The following APMAP variants were observed in gnomAD, a reference collection of about 807,000 sequenced individuals.
The protein encoded by APMAP is adipocyte plasma membrane-associated protein.
APMAP carries 33 observed loss-of-function variants against 43.6 expected under a neutral mutation model. The ratio of observed to expected loss-of-function variants is 0.76; its 90% CI spans 0.57 to 1.01. APMAP has a LOEUF of 1.01. Among genes scored for constraint, APMAP ranks in the 50% least tolerant of loss-of-function variants. The probability of loss-of-function intolerance (pLI) is 0.00; values close to 1 mark genes in which losing one functional copy is unlikely to be tolerated. For synonymous variants in APMAP, 224 were observed against 216.7 expected (o/e 1.03, Z -0.30); for missense variants, 498 against 540.7 (o/e 0.92, Z 0.78).
intron 2 of APMAP, 76 bp downstream of exon 2, chr20:24,983,827 C>A: frequency 9.6e-7 from 1 of 1,041,196 alleles, no homozygotes. Context: ...TTTAATCACC[C>A]TCCTTTCCTT....
chr20:24,964,759 G>A (rs184367113), intron 8 of APMAP, among the ~76,000 whole-genome samples: 1 of 152,132 alleles, frequency 6.6e-6, no homozygotes, highest in Non-Finnish European at 1.5e-5. Context: ...CCAAGGAATG[G>A]AAATTAACAG....
chr20:24,983,380 T>C (rs1295550866), intron 2 of APMAP, among the ~76,000 whole-genome samples: 1 of 152,352 alleles, frequency 6.6e-6, no homozygotes. Flanking sequence ...GTCACACTGA[T>C]GAGAGCCTGG....
intron 8 of APMAP, among the ~76,000 whole-genome samples, chr20:24,968,507 G>C (rs566213938): frequency 9.2e-5 from 14 of 152,310 alleles, no homozygotes; most frequent in Middle Eastern, 3.4e-3. Context: ...AGGCAGAGAG[G>C]GGGGTGGAGA....
chr20:24,969,383 G>A lies in APMAP; in HGVS notation c.848+143C>T, dbSNP rs929561115. ...CGACTCGCAATGGGAGAAAGAAAGCGCACCCTTGAATTTTCTTTAACATGC... is the reference window on the plus strand; with the variant it reads ...CGACTCGCAATGGGAGAAAGAAAGCACACCCTTGAATTTTCTTTAACATGC... On this transcript the variant is annotated intron_variant, in intron 7 of 8. Coordinates refer to ENST00000217456, the MANE Select transcript of APMAP (RefSeq NM_020531.3). The A allele has an allele frequency of 3.2e-5, 42 of 1,330,314 alleles. No homozygotes were observed. The South Asian group carries it at 3.3e-4, about 10-fold the overall frequency. The allele number at this position is 1,330,314 out of a possible 1,614,324, so 82.4% of individuals were successfully genotyped here. A position where few individuals can be genotyped will look rare whatever the true frequency, so the allele number is the denominator to read the frequency against.
At chr20:24,978,705 A>T in intron 3 of APMAP, 62 bp downstream of exon 3, 1 of 944,278 alleles carries the variant, frequency 1.1e-6, no homozygotes, top group African/African-American at 1.7e-5. Context: ...CTCCCACAGA[A>T]CCCGCCCCCT....
chr20:24,964,646 T>C (rs1386819224), intron 8 of APMAP, among the ~76,000 whole-genome samples: 3 of 152,024 alleles, frequency 2.0e-5, no homozygotes, highest in East Asian at 1.9e-4. Flanking sequence ...CACGGGACTG[T>C]TGAAGAGTAT....
chr20:24,969,024 T>C lies in APMAP; in HGVS notation c.909A>G (p.Gly303=), dbSNP rs767347981. The change falls in exon 8 of 9, where the codon GGA becomes GGG. Residue 303 remains glycine (G), a synonymous_variant. Coordinates refer to ENST00000217456, the MANE Select transcript of APMAP (RefSeq NM_020531.3). ...TGCTGGGCCGGATGTTGTCTGGAAA[T>C]CCAGGCATGTTCTCCACAAACAGAT... The part of the protein sequence containing the change: ...GADLFVENMP[G]FPDNIRPSSS... The C allele has an allele frequency of 1.9e-6, 3 of 1,613,862 alleles. No homozygotes were observed. In the South Asian group the frequency reaches 3.3e-5, roughly 18 times the overall value.
intron 2 of APMAP, among the ~76,000 whole-genome samples, chr20:24,983,559 C>A (rs2088122197): frequency 6.6e-6 from 1 of 152,124 alleles, no homozygotes; most frequent in Non-Finnish European, 1.5e-5. Context: ...CAGTTACTTA[C>A]AAAATTTAAA....
chr20:24,989,024 C>A (rs544433189), intron 1 of APMAP, among the ~76,000 whole-genome samples: 76 of 152,138 alleles, frequency 5.0e-4, no homozygotes, highest in African/African-American at 1.8e-3. Flanking sequence ...AACTTTTCGG[C>A]AGGCCCTCAT....
At chr20:24,982,831 A>ACCCCCCCCC (rs3086643) in intron 2 of APMAP, among the ~76,000 whole-genome samples, 5 of 141,962 alleles carry the variant, frequency 3.5e-5, no homozygotes, top group Admixed American at 7.0e-5. Flanking sequence ...ACATCAGGGG[A>ACCCCCCCCC]CCCCCCCCCG....
At chr20:24,983,816 A>G in intron 2 of APMAP, 87 bp downstream of exon 2, 1 of 938,128 alleles carries the variant, frequency 1.1e-6, no homozygotes, top group East Asian at 2.6e-5. Context: ...GATCAGATTG[A>G]TTTAATCACC....
At chr20:24,990,207 AG>A (rs1696745067) in intron 1 of APMAP, among the ~76,000 whole-genome samples, 1 of 152,252 alleles carries the variant, frequency 6.6e-6, no homozygotes, top group Non-Finnish European at 1.5e-5. Context: ...ACTGAATAAA[AG>A]AATTTACCAA....
rs563222767 is a variant in APMAP, at chr20:24,966,019, C to T, written c.1042-1997G>A. Among the ~76,000 whole-genome samples the T allele has an allele frequency of 1.3e-4, 20 of 152,318 alleles. No individual in the cohort carries two copies. In the South Asian group the frequency reaches 4.1e-3, roughly 32 times the overall value. On this transcript the variant is annotated intron_variant, in intron 8 of 8. Coordinates refer to ENST00000217456, the MANE Select transcript of APMAP (RefSeq NM_020531.3). Reference sequence around the variant, plus strand: ...TGTGAGTATGCATCGTGTGCTTGTACTCCCAGCGTTGTCCCTTAGGGACCT... The same window carrying T: ...TGTGAGTATGCATCGTGTGCTTGTATTCCCAGCGTTGTCCCTTAGGGACCT...
chr20:24,970,297 CT>C lies in APMAP; in HGVS notation c.612del (p.Val205SerfsTer26). Reference sequence around the variant, plus strand: ...TAAATCTTCCTCCCATCCTGAGTGACTGTAAGATCATTCACAAAGGACATGT... The same window carrying C: ...TAAATCTTCCTCCCATCCTGAGTGACGTAAGATCATTCACAAAGGACATGT... Reference protein sequence around the residue: ...GKNMSFVNDLTVTQDGRKIYF... With the variant: ...GKNMSFVNDLXVTQDGRKIYF... On this transcript the variant is annotated frameshift_variant, in exon 6 of 9. Coordinates refer to ENST00000217456, the MANE Select transcript of APMAP (RefSeq NM_020531.3). LOFTEE classifies it high-confidence loss of function. The C allele has an allele frequency of 6.2e-7, 1 of 1,614,098 alleles. No individual in the cohort carries two copies. The highest frequency in any genetic ancestry group is 8.5e-7 in the Non-Finnish European group (1 of 1,179,984).
chr20:24,968,046 C>T (rs905681414), intron 8 of APMAP, among the ~76,000 whole-genome samples: 3 of 152,238 alleles, frequency 2.0e-5, no homozygotes, highest in Non-Finnish European at 4.4e-5. Context: ...GCTAGTATTT[C>T]CATATCGGTT....
chr20:24,973,855 A>T (rs2088027478), intron 3 of APMAP, 118 bp from the exon 4 acceptor site: 4 of 798,214 alleles, frequency 5.0e-6, no homozygotes, highest in Non-Finnish European at 7.8e-6. Flanking sequence ...AGGAAATGCC[A>T]ATTCTCAAGA....
chr20:24,976,283 C>T (rs1183999809), intron 3 of APMAP, among the ~76,000 whole-genome samples: 2 of 152,022 alleles, frequency 1.3e-5, no homozygotes, highest in African/African-American at 4.8e-5. Context: ...AAAATATTGG[C>T]AAACAACATG....
intron 3 of APMAP, 24 bp downstream of exon 3, chr20:24,978,740 TCCC>T (rs199561112): frequency 9.9e-7 from 1 of 1,013,584 alleles, no homozygotes; most frequent in Non-Finnish European, 1.4e-6. Context: ...CCTGGAAGGC[TCCC>T]CCCCCACCCA....
chr20:24,964,683 G>A (rs770602688), intron 8 of APMAP, among the ~76,000 whole-genome samples: 27 of 152,174 alleles, frequency 1.8e-4, no homozygotes, highest in Non-Finnish European at 2.8e-4. Context: ...GGCGAGAGGC[G>A]TGATTTCTGG....
Sources: gnomAD v4.1 joint callset for allele counts (sites outside exome capture counted in the v4.1 genomes callset) on GRCh38, gnomAD v4.1.1 for gene constraint, MANE v1.5 for transcripts, NCBI Gene and HGNC (gene_info 2026-07-23, HGNC 2026-07-21) for gene names.